SLC39A11: variants seen among roughly 807,000 people sequenced by gnomAD.
SLC39A11 encodes the protein solute carrier family 39 member 11, also known as zinc transporter ZIP11.
In SLC39A11, 33 loss-of-function variants were observed where a neutral mutation model predicts 36.1. That is an observed-to-expected ratio of 0.91 (90% CI 0.69 to 1.22). The LOEUF is 1.22. Among genes scored for constraint, SLC39A11 ranks in the 50% most tolerant of loss-of-function variants. SLC39A11 has a pLI of 0.00. For missense variants in SLC39A11, 432 were observed against 430.3 expected (o/e 1.00, Z -0.03); for synonymous variants, 166 against 170.3 (o/e 0.97, Z 0.20).
intron 4 of SLC39A11, among the ~76,000 whole-genome samples, chr17:73,022,063 GC>G (rs1474208579): frequency 6.6e-6 from 1 of 152,244 alleles, no homozygotes; most frequent in Non-Finnish European, 1.5e-5. Flanking sequence ...CGCTTGAAAT[GC>G]TCTGTGCCAC....
chr17:72,838,076 C>A, intron 6 of SLC39A11: 1 of 855,806 alleles, frequency 1.2e-6, no homozygotes, highest in African/African-American at 1.8e-5. Context: ...TTGAGGCCAG[C>A]AGTTCGAGGC....
intron 3 of SLC39A11, among the ~76,000 whole-genome samples, chr17:73,058,072 T>G (rs1353782898): frequency 6.8e-6 from 1 of 147,262 alleles, no homozygotes; most frequent in Non-Finnish European, 1.5e-5. Flanking sequence ...ATTTGTGGGG[T>G]GTGTCCCTCT....
intron 6 of SLC39A11, among the ~76,000 whole-genome samples, chr17:72,777,960 A>G (rs567996336): frequency 8.7e-4 from 132 of 152,186 alleles, no homozygotes; most frequent in Non-Finnish European, 1.6e-3. Flanking sequence ...GCTGGAGTGC[A>G]GTGGTGCGAT....
intron 5 of SLC39A11, among the ~76,000 whole-genome samples, chr17:72,888,428 T>C (rs540713906): frequency 5.3e-5 from 8 of 152,128 alleles, no homozygotes; most frequent in Non-Finnish European, 1.2e-4. Flanking sequence ...TCCCAACAGA[T>C]GGGGTTAGTG....
At chr17:72,723,161 C>G (rs536166100) in intron 7 of SLC39A11, among the ~76,000 whole-genome samples, 1 of 152,316 alleles carries the variant, frequency 6.6e-6, no homozygotes, top group South Asian at 2.1e-4. Flanking sequence ...AACTGAGGCA[C>G]ATACAGTAAG....
At chr17:72,740,616 G>A (rs1363054914) in intron 6 of SLC39A11, among the ~76,000 whole-genome samples, 1 of 152,042 alleles carries the variant, frequency 6.6e-6, no homozygotes, top group Non-Finnish European at 1.5e-5. Flanking sequence ...CTTTGTGTGG[G>A]TCCCGTGCTG....
At chr17:72,914,170 G>A (rs1026001373) in intron 5 of SLC39A11, among the ~76,000 whole-genome samples, 1 of 151,970 alleles carries the variant, frequency 6.6e-6, no homozygotes, top group South Asian at 2.1e-4. Context: ...CAAAAAGTTA[G>A]CCAGGCACGG....
intron 3 of SLC39A11, among the ~76,000 whole-genome samples, chr17:73,049,805 G>C (rs1193899844): frequency 6.6e-6 from 1 of 152,108 alleles, no homozygotes; most frequent in Non-Finnish European, 1.5e-5. Flanking sequence ...AGAAACTCAA[G>C]AGAACGAGGA....
Position 72,780,848 on chromosome 17 carries a change from G to A in SLC39A11, c.602-44129C>T, listed in dbSNP as rs146126941. ...ACTAAAAATACAAAATTAGCTGGGC[G>A]TGGTGGCAAACGTCTGTAATCCCAG... On this transcript the variant is annotated intron_variant, in intron 6 of 9. Coordinates refer to ENST00000255559, the MANE Select transcript of SLC39A11 (RefSeq NM_139177.4). Among the ~76,000 whole-genome samples the A allele has an allele frequency of 8.4e-4, 128 of 152,232 alleles. 1 individual carries two copies. Among genetic ancestry groups the A allele is most frequent in the African/African-American group, 2.9e-3 (119 of 41,548 alleles).
intron 6 of SLC39A11, among the ~76,000 whole-genome samples, chr17:72,820,432 C>T (rs1193620207): frequency 6.6e-6 from 1 of 151,128 alleles, no homozygotes; most frequent in Non-Finnish European, 1.5e-5. Context: ...TTTCCTTGTG[C>T]CTCTCCTCTC....
chr17:72,772,887 C>T (rs1325615160), intron 6 of SLC39A11, among the ~76,000 whole-genome samples: 1 of 152,112 alleles, frequency 6.6e-6, no homozygotes, highest in Non-Finnish European at 1.5e-5. Context: ...AGTTCAAGAC[C>T]AGCCTGGCCA....
chr17:73,045,841 A>T (rs1012533127), intron 3 of SLC39A11, among the ~76,000 whole-genome samples: 4 of 152,194 alleles, frequency 2.6e-5, no homozygotes, highest in African/African-American at 9.6e-5. Flanking sequence ...CCTTTTCACC[A>T]GCTGGTCATC....
chr17:72,922,921 G>C (rs2083760144), intron 5 of SLC39A11, among the ~76,000 whole-genome samples: 1 of 132,240 alleles, frequency 7.6e-6, no homozygotes, highest in African/African-American at 2.8e-5. Context: ...TGAGCTGAGA[G>C]TGCGCCACCA....
chr17:73,024,864 ATTTTTTT>A (rs1163840820), intron 4 of SLC39A11, among the ~76,000 whole-genome samples: 5 of 97,874 alleles, frequency 5.1e-5, no homozygotes, highest in African/African-American at 1.2e-4. Flanking sequence ...TGCCCAGCTA[ATTTTTTT>A]TTTTTTTTTT....
chr17:72,900,997 A>T (rs2082368898), intron 5 of SLC39A11, among the ~76,000 whole-genome samples: 1 of 151,652 alleles, frequency 6.6e-6, no homozygotes, highest in South Asian at 2.1e-4. Flanking sequence ...AAAACACGAA[A>T]AAAAAACACG....
chr17:72,766,692 G>C lies in SLC39A11; in HGVS notation c.602-29973C>G, dbSNP rs541035519. On this transcript the variant is annotated intron_variant, in intron 6 of 9. Transcript: ENST00000255559. ...CTTTCCTGGCCTCTAAACTGGGTCA[G>C]ATACTCTGCTTGTTATTTGCTCTCC... 1.6e-4 allele frequency among the ~76,000 whole-genome samples: 25 copies of C among 152,292 alleles called. No homozygotes were observed. The South Asian group carries it at 5.2e-3, about 32-fold the overall frequency.
chr17:72,739,103 T>C (rs975654608), intron 6 of SLC39A11, among the ~76,000 whole-genome samples: 2 of 151,464 alleles, frequency 1.3e-5, no homozygotes, highest in Non-Finnish European at 1.5e-5. Flanking sequence ...CTGTGATCAC[T>C]GTAAGCTGCA....
At chr17:72,824,164 TCATAGGGTGGACTTCCC>T (rs2077916374) in intron 6 of SLC39A11, among the ~76,000 whole-genome samples, 2 of 151,160 alleles carry the variant, frequency 1.3e-5, no homozygotes, top group Admixed American at 1.3e-4. Context: ...GGTGACTGGA[TCATAGGGTGGACTTCCC>T]CCTTGCTGTT....
chr17:72,780,519 A>C (rs2076273526), intron 6 of SLC39A11, among the ~76,000 whole-genome samples: 1 of 8,938 alleles, frequency 1.1e-4, no homozygotes. Flanking sequence ...GGCCCTGAAG[A>C]TGGGGGGCGG....
Sources: gnomAD v4.1 joint callset for allele counts (sites outside exome capture counted in the v4.1 genomes callset) on GRCh38, gnomAD v4.1.1 for gene constraint, MANE v1.5 for transcripts, NCBI Gene and HGNC (gene_info 2026-07-23, HGNC 2026-07-21) for gene names.